The following MOB1B variants were observed in gnomAD, a reference collection of about 807,000 sequenced individuals.
MOB1B encodes the protein MOB kinase activator 1B.
A neutral mutation model predicts 24.4 loss-of-function variants in MOB1B; 19 were observed. The ratio of observed to expected loss-of-function variants is 0.78; its 90% CI spans 0.54 to 1.14. The LOEUF is 1.14. Among genes scored for constraint, MOB1B ranks in the 50% most tolerant of loss-of-function variants. The probability of loss-of-function intolerance (pLI) is 0.00; values close to 1 mark genes in which losing one functional copy is unlikely to be tolerated. For synonymous variants in MOB1B, 76 were observed against 82.1 expected (o/e 0.93, Z 0.40); for missense variants, 243 against 259.6 (o/e 0.94, Z 0.44).
chr4:70,963,330 A>G (rs1738379769), intron 2 of MOB1B, among the ~76,000 whole-genome samples: 2 of 152,044 alleles, frequency 1.3e-5, no homozygotes, highest in Admixed American at 6.6e-5. Flanking sequence ...ACTGCAATCC[A>G]GCCTGAGCGA....
chr4:70,945,367 C>T (rs997064031), intron 1 of MOB1B, among the ~76,000 whole-genome samples: 3 of 152,006 alleles, frequency 2.0e-5, no homozygotes, highest in Non-Finnish European at 2.9e-5. Context: ...TTTCCAAGGC[C>T]CTGAATTTTA....
At chr4:70,954,629 C>T (rs761703670) in intron 1 of MOB1B, among the ~76,000 whole-genome samples, 4 of 151,460 alleles carry the variant, frequency 2.6e-5, no homozygotes, top group Non-Finnish European at 4.4e-5. Context: ...CTAATTATTA[C>T]GTTTTTAGTA....
At chr4:70,906,054 C>T (rs528625259) in intron 1 of MOB1B, among the ~76,000 whole-genome samples, 1 of 148,292 alleles carries the variant, frequency 6.7e-6, no homozygotes, top group African/African-American at 2.5e-5. Context: ...TCTAGCCTGG[C>T]TGATAGAGAG....
intron 1 of MOB1B, among the ~76,000 whole-genome samples, chr4:70,919,320 A>G (rs973656735): frequency 6.6e-6 from 1 of 152,162 alleles, no homozygotes; most frequent in Non-Finnish European, 1.5e-5. Flanking sequence ...ATAATTAAAA[A>G]AAAAAAAAGA....
chr4:70,939,101 A>T lies in MOB1B; in HGVS notation c.15-19773A>T, dbSNP rs1737222569. Among the ~76,000 whole-genome samples, 6 of 152,238 alleles carry T rather than the reference A, an allele frequency of 3.9e-5. 1 individual carries two copies. Among genetic ancestry groups the T allele is most frequent in the Admixed American group, 3.9e-4 (6 of 15,282 alleles). On this transcript the variant is annotated intron_variant, in intron 1 of 5. Coordinates refer to ENST00000309395, the MANE Select transcript of MOB1B (RefSeq NM_173468.4). ...TTGAAAAAAGATTTTAAGAATATCT[A>T]CTAATACACTGCAGTGATTCAACAC...
intron 1 of MOB1B, among the ~76,000 whole-genome samples, chr4:70,911,533 C>T (rs1036223643): frequency 2.0e-5 from 3 of 152,038 alleles, no homozygotes; most frequent in African/African-American, 7.2e-5. Flanking sequence ...AATTGCAGGA[C>T]TGACTGGCTT....
At chr4:70,923,965 C>CGA (rs11442937) in intron 1 of MOB1B, among the ~76,000 whole-genome samples, 10 of 127,844 alleles carry the variant, frequency 7.8e-5, no homozygotes, top group African/African-American at 2.7e-4. Flanking sequence ...AAATTAGACT[C>CGA]AAAAAAAAAA....
At chr4:70,973,984 A>G (rs1397659328) in intron 3 of MOB1B, among the ~76,000 whole-genome samples, 1 of 152,186 alleles carries the variant, frequency 6.6e-6, no homozygotes, top group African/African-American at 2.4e-5. Context: ...ATTTAGCCCA[A>G]ACTCTGGGGA....
intron 1 of MOB1B, among the ~76,000 whole-genome samples, chr4:70,942,098 C>T (rs1041379066): frequency 1.3e-5 from 2 of 152,068 alleles, no homozygotes; most frequent in Non-Finnish European, 2.9e-5. Context: ...ACCTTAATTA[C>T]ACATTGGTTA....
intron 3 of MOB1B, 135 bp downstream of exon 3, chr4:70,970,159 T>G: frequency 1.7e-6 from 1 of 571,522 alleles, no homozygotes. Context: ...TTAATCTAGA[T>G]TCCTTAGCTT....
Position 70,976,772 on chromosome 4 carries a change from A to C in MOB1B, c.409+1486A>C, listed in dbSNP as rs997187957. 3.6e-4 allele frequency: 78 copies of C among 215,168 alleles called. 4 individuals are homozygous for C. Among genetic ancestry groups the C allele is most frequent in the East Asian group, 3.6e-3 (19 of 5,286 alleles). 13.3% of individuals were successfully genotyped at this position (215,168 alleles called of 1,614,324 possible). ...GAATTACATATATATATATATATAT[A>C]TATCTCTCTCTCTCAATCATAAGGG... On this transcript the variant is annotated intron_variant, in intron 4 of 5. Coordinates refer to ENST00000309395, the MANE Select transcript of MOB1B (RefSeq NM_173468.4).
intron 1 of MOB1B, among the ~76,000 whole-genome samples, chr4:70,923,186 G>A (rs1380494681): frequency 6.6e-6 from 1 of 152,078 alleles, no homozygotes; most frequent in Admixed American, 6.6e-5. Flanking sequence ...ACAATTTTGG[G>A]GCCAAGCAGC....
intron 4 of MOB1B, chr4:70,975,582 T>C (rs1738948604): frequency 9.9e-7 from 1 of 1,006,298 alleles, no homozygotes; most frequent in African/African-American, 1.7e-5. Context: ...CTTAAGGTAA[T>C]TATTTTTGAT....
intron 2 of MOB1B, among the ~76,000 whole-genome samples, chr4:70,966,881 T>C (rs1172723676): frequency 1.3e-5 from 2 of 151,666 alleles, no homozygotes; most frequent in Non-Finnish European, 2.9e-5. Flanking sequence ...AAAATATAAA[T>C]TGGTCATTGT....
intron 5 of MOB1B, 123 bp downstream of exon 5, chr4:70,979,414 T>C (rs1739117494): frequency 3.0e-6 from 2 of 670,022 alleles, no homozygotes; most frequent in East Asian, 5.3e-5. Flanking sequence ...TGCATCCTCT[T>C]CTACAGTTTT....
Position 70,984,693 on chromosome 4 carries a change from G to A in MOB1B, c.*2636G>A, listed in dbSNP as rs958526231. 2.0e-5 allele frequency: 3 copies of A among 152,142 alleles called. No individual in the cohort carries two copies. The highest frequency in any genetic ancestry group is 4.4e-5 in the Non-Finnish European group (3 of 68,000). 9.4% of individuals were successfully genotyped at this position (152,142 alleles called of 1,614,324 possible). On this transcript the variant is annotated 3_prime_UTR_variant, in exon 6 of 6. Coordinates refer to ENST00000309395, the MANE Select transcript of MOB1B (RefSeq NM_173468.4). ...TGGTTAAATGTTGATACGAAGCAAT[G>A]TTTTGGAATTACTTTAATTGATGGA...
At chr4:70,911,897 C>G (rs1014566775) in intron 1 of MOB1B, among the ~76,000 whole-genome samples, 2 of 139,752 alleles carry the variant, frequency 1.4e-5, no homozygotes, top group Non-Finnish European at 3.1e-5. Context: ...TTAAGGCCAT[C>G]TTTTTTTTTT....
intron 1 of MOB1B, among the ~76,000 whole-genome samples, chr4:70,939,441 C>T (rs1213788686): frequency 6.6e-6 from 1 of 152,178 alleles, no homozygotes; most frequent in Non-Finnish European, 1.5e-5. Context: ...CACCCGTAAT[C>T]ACAGGCCAAG....
At chr4:70,923,317 G>C (rs1736512322) in intron 1 of MOB1B, among the ~76,000 whole-genome samples, 1 of 152,026 alleles carries the variant, frequency 6.6e-6, no homozygotes, top group African/African-American at 2.4e-5. Context: ...CCTCCTATGG[G>C]GTCCAGTCTT....
Sources: gnomAD v4.1 joint callset for allele counts (sites outside exome capture counted in the v4.1 genomes callset) on GRCh38, gnomAD v4.1.1 for gene constraint, MANE v1.5 for transcripts, NCBI Gene and HGNC (gene_info 2026-07-23, HGNC 2026-07-21) for gene names.